SLC29A4: variants seen among roughly 807,000 people sequenced by gnomAD.
SLC29A4 encodes equilibrative nucleoside transporter 4.
A neutral mutation model predicts 43.9 loss-of-function variants in SLC29A4; 36 were observed. The observed-to-expected ratio is 0.82, with a 90% CI of 0.63 to 1.08. The LOEUF is 1.08. Among genes scored for constraint, SLC29A4 ranks in the 50% least tolerant of loss-of-function variants. The pLI is 0.00. For synonymous variants in SLC29A4, 491 were observed against 338.0 expected (o/e 1.45, Z -4.97); for missense variants, 869 against 755.3 (o/e 1.15, Z -1.77).
Position 5,287,962 on chromosome 7 carries a change from G to A in SLC29A4, c.146G>A (p.Gly49Asp), listed in dbSNP as rs982243270. ...AAQGQGLRAR[G>D]VPAFTDTTLD... The stretch of plus-strand genomic sequence containing the variant: ...CAGGGCCAGGGCCTTAGGGCCAGGG[G>A]CGTCCCAGCTTTCACGGATACTAGT... The change falls in exon 2 of 11, where the codon GGC becomes GAC. Residue 49 changes from glycine (G) to aspartate (D), a missense_variant. Physicochemically the swap from Gly to Asp is moderately conservative, Grantham distance 94. Transcript: ENST00000396872. The A allele has an allele frequency of 1.8e-5, 29 of 1,609,730 alleles. No homozygotes were observed. Among genetic ancestry groups the A allele is most frequent in the Non-Finnish European group, 2.5e-5 (29 of 1,179,192 alleles).
In SLC29A4 at chr7:5,300,398, G is replaced by A. The variant is rs376163880; in HGVS notation, c.1210-24G>A. On this transcript the variant is annotated intron_variant, in intron 9 of 10. Transcript: ENST00000396872. Reference sequence around the variant, plus strand: ...AGTGGGGCTGTGGCCGGGACAGGGCGCCCACTTGCCTGGCTCTCTGCAGAT... The same window carrying A: ...AGTGGGGCTGTGGCCGGGACAGGGCACCCACTTGCCTGGCTCTCTGCAGAT... 4.9e-5 allele frequency: 79 copies of A among 1,610,150 alleles called. No homozygotes were observed. The East Asian group carries it at 8.5e-4, about 17-fold the overall frequency.
At chr7:5,293,881 C>G (rs1414396171) in intron 5 of SLC29A4, among the ~76,000 whole-genome samples, 2 of 152,092 alleles carry the variant, frequency 1.3e-5, no homozygotes, top group Admixed American at 1.3e-4. Context: ...CTGAGGCGGA[C>G]AGATCACGAG....
intron 7 of SLC29A4, among the ~76,000 whole-genome samples, chr7:5,297,750 C>T (rs1278283759): frequency 6.6e-6 from 1 of 152,136 alleles, no homozygotes; most frequent in African/African-American, 2.4e-5. Flanking sequence ...CCACAGAAGT[C>T]GCCAGCCAGG....
Position 5,297,145 on chromosome 7 carries a change from A to C in SLC29A4, c.829A>C (p.Arg277=), listed in dbSNP as rs200520527. ...DSHRGRPGLG[R]GYGYRVHHDV... is the part of the protein sequence containing the mutation. ...CCACCGGGGCAGGCCAGGCCTGGGC[A>C]GGGGCTATGGCTACCGCGTGCACCA... Residue 277 remains arginine, a synonymous_variant, in exon 7 of 11, where the codon AGG becomes CGG. Transcript: ENST00000396872. 3 of 1,603,986 alleles carry C rather than the reference A, an allele frequency of 1.9e-6. No individual in the cohort carries two copies. The highest frequency in any genetic ancestry group is 1.3e-5 in the African/African-American group (1 of 74,860).
At chr7:5,287,623 C>T (rs1025012811) in intron 1 of SLC29A4, among the ~76,000 whole-genome samples, 186 bp from the exon 2 acceptor site, 8 of 152,158 alleles carry the variant, frequency 5.3e-5, no homozygotes, top group Non-Finnish European at 1.2e-4. Flanking sequence ...GGTCTTTGAA[C>T]CTCACATCCA....
At chr7:5,295,008 C>A (rs1320480705) in intron 6 of SLC29A4, 74 bp downstream of exon 6, 2 of 1,284,126 alleles carry the variant, frequency 1.6e-6, no homozygotes, top group Non-Finnish European at 2.2e-6. Context: ...CCCAGGGACT[C>A]CCCATGATGC....
Position 5,303,452 on chromosome 7 carries a change from C to G in SLC29A4, c.*513C>G, listed in dbSNP as rs71529387. The G allele has an allele frequency of 0.18, 30,714 of 169,564 alleles. 3,278 individuals carry two copies. The highest frequency in any genetic ancestry group is 0.23 in the Non-Finnish European group (18,279 of 80,108). 10.5% of individuals were successfully genotyped at this position (169,564 alleles called of 1,614,324 possible). Reference sequence around the variant, plus strand: ...CCCACCTTGTCACCCTCAGGGCTTCCCCTTCTGTCCTCATTCTTAGAGACT... The same window carrying G: ...CCCACCTTGTCACCCTCAGGGCTTCGCCTTCTGTCCTCATTCTTAGAGACT... On this transcript the variant is annotated 3_prime_UTR_variant, in exon 11 of 11. Coordinates refer to ENST00000396872, the MANE Select transcript of SLC29A4 (RefSeq NM_153247.4).
At chr7:5,284,507 C>T (rs1420179229) in intron 1 of SLC29A4, among the ~76,000 whole-genome samples, 3 of 152,224 alleles carry the variant, frequency 2.0e-5, no homozygotes, top group Admixed American at 1.3e-4. Context: ...CAAGGGGTCA[C>T]GGCAGCGCAG....
intron 5 of SLC29A4, among the ~76,000 whole-genome samples, chr7:5,293,542 C>T (rs910223414): frequency 2.3e-4 from 35 of 152,278 alleles, no homozygotes; most frequent in African/African-American, 7.9e-4. Flanking sequence ...TATTACGGCC[C>T]TGTAAACACG....
At chr7:5,297,574 C>T (rs573896100) in intron 7 of SLC29A4, among the ~76,000 whole-genome samples, 16 of 152,360 alleles carry the variant, frequency 1.1e-4, no homozygotes, top group African/African-American at 3.8e-4. Flanking sequence ...GCCCTCCTGG[C>T]TGCGCCAACC....
intron 6 of SLC29A4, among the ~76,000 whole-genome samples, chr7:5,296,363 C>A (rs1426664172): frequency 6.6e-6 from 1 of 151,066 alleles, no homozygotes; most frequent in East Asian, 2.0e-4. Flanking sequence ...ACGGCAGGCA[C>A]TGGGTAAATG....
At chr7:5,294,812 A>G in intron 5 of SLC29A4, 48 bp from the exon 6 acceptor site, 1 of 1,587,208 alleles carries the variant, frequency 6.3e-7, no homozygotes, top group Non-Finnish European at 8.6e-7. Context: ...TCCCAAGTTG[A>G]CAGGTGATAA....
chr7:5,287,518 A>C (rs1785033922), intron 1 of SLC29A4, among the ~76,000 whole-genome samples: 1 of 152,154 alleles, frequency 6.6e-6, no homozygotes, highest in Non-Finnish European at 1.5e-5. Flanking sequence ...CCCCCAGGGG[A>C]TACAGTCCCG....
In SLC29A4 at chr7:5,287,791, CTGCTTTCTCCAAAGCAGA is replaced by C; in HGVS notation, c.-8-17_-8del. The C allele has an allele frequency of 1.2e-6, 2 of 1,606,730 alleles. No homozygotes were observed. The highest frequency in any genetic ancestry group is 8.5e-7 in the Non-Finnish European group (1 of 1,178,502). ...AGCCTTCTTCCCTCACCTGCTCTCT[CTGCTTTCTCCAAAGCAGA>C]GGCTGCCATGGGCTCCGTGGGGAGC... On this transcript the variant is annotated splice_acceptor_variant and splice_polypyrimidine_tract_variant and 5_prime_UTR_variant and intron_variant, in exon 2 of 11. Coordinates refer to ENST00000396872, the MANE Select transcript of SLC29A4 (RefSeq NM_153247.4). LOFTEE classifies it low-confidence loss of function (5UTR_SPLICE).
intron 7 of SLC29A4, among the ~76,000 whole-genome samples, chr7:5,297,644 G>A (rs141686939): frequency 5.9e-5 from 9 of 152,054 alleles, no homozygotes; most frequent in Non-Finnish European, 1.2e-4. Context: ...GAAGCTCACA[G>A]CCTTCCTCCC....
Position 5,300,621 on chromosome 7 carries a change from T to A in SLC29A4, c.1409T>A (p.Leu470Gln). The A allele has an allele frequency of 6.2e-7, 1 of 1,610,248 alleles. No homozygotes were observed. Among genetic ancestry groups the A allele is most frequent in the Non-Finnish European group, 8.5e-7 (1 of 1,178,710 alleles). ...TACTTCGGCAGCGTGCCCATGATCC[T>A]GGCGGCAGGCAAAGTGAGCCCCAAG... ...NGYFGSVPMI[L>Q]AAGKVSPKQR... Residue 470 changes from leucine (L) to glutamine (Q), a missense_variant, in exon 10 of 11, where the codon CTG (leucine) becomes CAG (glutamine). By Grantham distance (113) the Leu-to-Gln change is moderately radical. Transcript: ENST00000396872.
chr7:5,302,715 T>G, intron 10 of SLC29A4, 82 bp from the exon 11 acceptor site: 1 of 1,408,108 alleles, frequency 7.1e-7, no homozygotes, highest in South Asian at 1.3e-5. Flanking sequence ...CAGGCGGGTG[T>G]CACCGCACCT....
rs1786068824 is a variant in SLC29A4, at chr7:5,300,495, T to C, written c.1283T>C (p.Ile428Thr). The C allele has an allele frequency of 1.2e-6, 2 of 1,611,734 alleles. No individual in the cohort carries two copies. The highest frequency in any genetic ancestry group is 1.3e-5 in the African/African-American group (1 of 74,820). The change falls in exon 10 of 11, where the codon ATC becomes ACC. Residue 428 changes from isoleucine to threonine, a missense_variant. Coordinates refer to ENST00000396872, the MANE Select transcript of SLC29A4 (RefSeq NM_153247.4). ...TGCTCCTGCCTGCGTGTGGTCTTCA[T>C]CCCCCTCTTCATCCTGTGCGTCTAC... ...LACSCLRVVF[I>T]PLFILCVYPS...
chr7:5,297,739 C>A (rs946116381), intron 7 of SLC29A4, among the ~76,000 whole-genome samples: 1 of 152,142 alleles, frequency 6.6e-6, no homozygotes, highest in African/African-American at 2.4e-5. Flanking sequence ...CCCAGAATTT[C>A]CCACAGAAGT....
Sources: allele counts gnomAD v4.1 joint callset (sites outside exome capture counted in the v4.1 genomes callset), GRCh38; gene constraint gnomAD v4.1.1; transcripts MANE v1.5; gene names NCBI Gene and HGNC (gene_info 2026-07-23, HGNC 2026-07-21).